ATAD5: variants seen among roughly 807,000 people sequenced by gnomAD.
The protein encoded by ATAD5 is ATPase family AAA domain containing 5, also known as ATPase family AAA domain-containing protein 5.
Under a neutral mutation model 176.9 loss-of-function variants are expected in ATAD5, and 58 were observed. The observed-to-expected ratio is 0.33, with a 90% CI of 0.27 to 0.41. ATAD5 has a LOEUF of 0.41. Among genes scored for constraint, ATAD5 ranks in the 10% least tolerant of loss-of-function variants. The pLI is 1.00. For synonymous variants in ATAD5, 640 were observed against 712.6 expected, an observed-to-expected ratio of 0.90 and a Z score of 1.62; for missense variants, 1,789 against 2,094.1, an observed-to-expected ratio of 0.85 and a Z score of 2.84.
At chr17:30,838,027 G>C (rs1415941405) in intron 3 of ATAD5, among the ~76,000 whole-genome samples, 1 of 152,134 alleles carries the variant, frequency 6.6e-6, no homozygotes, top group African/African-American at 2.4e-5. Context: ...GTGCATTGTA[G>C]GATGTTTAGC....
intron 6 of ATAD5, among the ~76,000 whole-genome samples, chr17:30,848,406 T>C (rs1296337928): frequency 6.6e-6 from 1 of 152,156 alleles, no homozygotes; most frequent in African/African-American, 2.4e-5. Flanking sequence ...TGTGCCACCA[T>C]GCCCCACTAA....
intron 18 of ATAD5, 77 bp downstream of exon 18, chr17:30,879,564 A>AT: frequency 2.3e-6 from 3 of 1,296,086 alleles, no homozygotes; most frequent in South Asian, 1.3e-5. Flanking sequence ...ATACAGCTAT[A>AT]ATTTTTTTTT....
chr17:30,834,860 A>C lies in ATAD5; in HGVS notation c.779A>C (p.Asp260Ala). The change falls in exon 2 of 23, where the codon GAT becomes GCT. Residue 260 changes from aspartate (D) to alanine (A), a missense_variant. Coordinates refer to ENST00000321990, the MANE Select transcript of ATAD5 (RefSeq NM_024857.5). ...DNVTEAAQLNDSIITVSYEEF... is the reference protein window; with the variant it reads ...DNVTEAAQLNASIITVSYEEF... The stretch of plus-strand genomic sequence containing the variant: ...GTAACTGAAGCAGCCCAGTTAAATG[A>C]TAGTATAATAACTGTCTCATATGAG... The C allele has an allele frequency of 6.2e-7, 1 of 1,613,594 alleles. No individual in the cohort carries two copies. The highest frequency in any genetic ancestry group is 8.5e-7 in the Non-Finnish European group (1 of 1,179,770).
In ATAD5 at chr17:30,859,769, C is replaced by T. The variant is rs145533723; in HGVS notation, c.2957-664C>T. Among the ~76,000 whole-genome samples, 72 of 144,888 alleles carry T rather than the reference C, an allele frequency of 5.0e-4. 10 individuals are homozygous for T. The East Asian group carries it at 0.013, about 27-fold the overall frequency. On this transcript the variant is annotated intron_variant, in intron 9 of 22. Transcript: ENST00000321990. ...TTTTTTGAGACGGCGTCTTGCTCTG[C>T]CGCCCAGGCAGTGGTGTGATCTCGG...
At chr17:30,842,712 A>C (rs1052254248) in intron 4 of ATAD5, among the ~76,000 whole-genome samples, 4 of 152,122 alleles carry the variant, frequency 2.6e-5, no homozygotes, top group African/African-American at 9.7e-5. Flanking sequence ...TTGCTTTTTA[A>C]AAATTTTCTG....
Position 30,857,031 on chromosome 17 carries a change from A to G in ATAD5, c.2712A>G (p.Ile904Met), listed in dbSNP as rs756096923. 5.0e-6 allele frequency: 8 copies of G among 1,610,032 alleles called. No individual in the cohort carries two copies. The East Asian group carries it at 1.8e-4, about 36-fold the overall frequency. ...TTAAAGAACTGAACACTAAAGTAAT[A>G]GATCTCTCAAAATGTGGTATTGCTC... ...TKFKELNTKV[I>M]DLSKCGIALG... Residue 904 changes from isoleucine to methionine, a missense_variant, in exon 8 of 23, where the codon ATA becomes ATG. Physicochemically the swap from Ile to Met is conservative, Grantham distance 10. This residue lies in a region of ATAD5 where 487 missense variants were observed against 573.6 expected (regional missense o/e 0.85). Coordinates refer to ENST00000321990, the MANE Select transcript of ATAD5 (RefSeq NM_024857.5).
chr17:30,874,648 T>TATTTATTTATTTATTTCA (rs201238335), intron 14 of ATAD5, among the ~76,000 whole-genome samples: 1 of 148,484 alleles, frequency 6.7e-6, no homozygotes, highest in African/African-American at 2.5e-5. Context: ...TTTATTTATT[T>TATTTATTTATTTATTTCA]GAGATGGAGT....
rs1212850112 is a variant in ATAD5 at position 30,835,527 on chromosome 17, T to G, written c.1446T>G (p.Asn482Lys). The G allele has an allele frequency of 8.1e-6, 13 of 1,604,110 alleles. No individual in the cohort carries two copies. The highest frequency in any genetic ancestry group is 2.7e-5 in the African/African-American group (2 of 74,030). ...KEKNKKLKKK[N>K]KKTLDTGAIP... ...AAAATAAAAAGCTAAAGAAGAAGAATAAGAAAACATTAGATACTGGGGCTA... is the reference window on the plus strand; with the variant it reads ...AAAATAAAAAGCTAAAGAAGAAGAAGAAGAAAACATTAGATACTGGGGCTA... Residue 482 changes from asparagine to lysine, a missense_variant, in exon 2 of 23, where the codon AAT becomes AAG. Physicochemically the swap from Asn to Lys is moderately conservative, Grantham distance 94. Transcript: ENST00000321990.
At chr17:30,850,820 TATTTATATATTTTTATA>T (rs1567683414) in intron 6 of ATAD5, among the ~76,000 whole-genome samples, 2 of 76,792 alleles carry the variant, frequency 2.6e-5, no homozygotes, top group African/African-American at 1.4e-4. Flanking sequence ...TTATTATTTA[TATTTATATATTTTTATA>T]TATATATATA....
chr17:30,858,773 C>T (rs1197833283), intron 9 of ATAD5, among the ~76,000 whole-genome samples: 1 of 151,896 alleles, frequency 6.6e-6, no homozygotes, highest in Non-Finnish European at 1.5e-5. Flanking sequence ...CTTCGCCTCC[C>T]GGGCTCAAGT....
chr17:30,850,899 T>TTG (rs1555554668), intron 6 of ATAD5, among the ~76,000 whole-genome samples: 1,121 of 59,808 alleles, frequency 0.019, 71 homozygotes, highest in Non-Finnish European at 0.023. Context: ...TTTTTTTTTT[T>TTG]TTTGAGATAG....
At chr17:30,882,052 G>A (rs1399244403) in intron 18 of ATAD5, among the ~76,000 whole-genome samples, 1 of 152,100 alleles carries the variant, frequency 6.6e-6, no homozygotes, top group Non-Finnish European at 1.5e-5. Flanking sequence ...CTGAGGTCAG[G>A]AGTTTGAGAT....
At chr17:30,842,834 C>A (rs1258499767) in intron 4 of ATAD5, among the ~76,000 whole-genome samples, 2 of 152,132 alleles carry the variant, frequency 1.3e-5, no homozygotes, top group Non-Finnish European at 2.9e-5. Flanking sequence ...ACCTCCACTT[C>A]CTGGGTTCAA....
In ATAD5 at chr17:30,840,251, T is replaced by C. The variant is rs527798512; in HGVS notation, c.2077-366T>C. 3.2e-3 allele frequency among the ~76,000 whole-genome samples: 462 copies of C among 143,038 alleles called. 1 individual carries two copies. Among genetic ancestry groups the C allele is most frequent in the Non-Finnish European group, 5.6e-3 (366 of 65,158 alleles). The allele number at this position is 143,038 out of a possible 152,430, so 93.8% of individuals were successfully genotyped here. On this transcript the variant is annotated intron_variant, in intron 3 of 22. Coordinates refer to ENST00000321990, the MANE Select transcript of ATAD5 (RefSeq NM_024857.5). Reference sequence around the variant, plus strand: ...TGAGGCCAAGGTCCATGTATTATAATACTGTTTTCTTTATAGTATCCAGCC... The same window carrying C: ...TGAGGCCAAGGTCCATGTATTATAACACTGTTTTCTTTATAGTATCCAGCC...
intron 9 of ATAD5, among the ~76,000 whole-genome samples, chr17:30,858,761 A>G (rs1907442850): frequency 6.6e-6 from 1 of 151,918 alleles, no homozygotes; most frequent in Admixed American, 6.6e-5. Context: ...CCTCACTGCA[A>G]CCTTCGCCTC....
intron 18 of ATAD5, among the ~76,000 whole-genome samples, chr17:30,885,386 G>A (rs141375149): frequency 4.0e-4 from 61 of 152,128 alleles, no homozygotes; most frequent in African/African-American, 1.4e-3. Context: ...TGTTATCTGC[G>A]AACAGAGATA....
intron 10 of ATAD5, chr17:30,864,970 G>T: frequency 6.7e-6 from 1 of 150,328 alleles, no homozygotes. Flanking sequence ...GCTCAGGCTG[G>T]AGTGCAGTGG....
intron 18 of ATAD5, among the ~76,000 whole-genome samples, chr17:30,884,875 G>C (rs1160618481): frequency 6.6e-6 from 1 of 151,410 alleles, no homozygotes; most frequent in Non-Finnish European, 1.5e-5. Flanking sequence ...AGCCTCCCGA[G>C]TAGCTGGGAC....
chr17:30,832,107 G>C lies in ATAD5; in HGVS notation c.-241G>C, dbSNP rs1376811329. The C allele has an allele frequency of 5.1e-6, 2 of 393,712 alleles. No homozygotes were observed. Among genetic ancestry groups the C allele is most frequent in the Non-Finnish European group, 9.0e-6 (2 of 222,716 alleles). 24.4% of individuals were successfully genotyped at this position (393,712 alleles called of 1,614,324 possible). Reference sequence around the variant, plus strand: ...CTTTCGAGGGCACCCTGCATACACTGGCCGCGCCTCAGGGATCTCATTGCC... The same window carrying C: ...CTTTCGAGGGCACCCTGCATACACTCGCCGCGCCTCAGGGATCTCATTGCC... On this transcript the variant is annotated 5_prime_UTR_variant, in exon 1 of 23. Coordinates refer to ENST00000321990, the MANE Select transcript of ATAD5 (RefSeq NM_024857.5).
Sources: allele counts gnomAD v4.1 joint callset (sites outside exome capture counted in the v4.1 genomes callset), GRCh38; gene constraint gnomAD v4.1.1; regional missense constraint gnomAD v4.1.1; transcripts MANE v1.5; gene names NCBI Gene and HGNC (gene_info 2026-07-23, HGNC 2026-07-21).